The following DENND5A variants were observed in gnomAD, a reference collection of about 807,000 sequenced individuals.
The protein encoded by DENND5A is DENN domain containing 5A, also known as DENN domain-containing protein 5A.
In DENND5A, 64 loss-of-function variants were observed where a neutral mutation model predicts 140.3. That is an observed-to-expected ratio of 0.46 (90% CI 0.37 to 0.56). The LOEUF is 0.56. DENND5A is among the 20% of genes least tolerant of loss of function. The pLI is 0.00. For synonymous variants in DENND5A, 605 were observed against 607.7 expected, an observed-to-expected ratio of 1.00 and a Z score of 0.07; for missense variants, 1,292 against 1,593.8, an observed-to-expected ratio of 0.81 and a Z score of 3.22.
In DENND5A at chr11:9,180,918, A is replaced by C. The variant is rs750848425; in HGVS notation, c.1304T>G (p.Leu435Arg). The change falls in exon 6 of 23, where the codon CTG becomes CGG. Residue 435 changes from leucine (L) to arginine (R), a missense_variant. Coordinates refer to ENST00000328194, the MANE Select transcript of DENND5A (RefSeq NM_015213.4). Reference sequence around the variant, plus strand: ...AAGCTCAGAGGCCCGCAGCCTCTTCAGCTTGGAGGCACTCTCACTGCAATG... The same window carrying C: ...AAGCTCAGAGGCCCGCAGCCTCTTCCGCTTGGAGGCACTCTCACTGCAATG... ...NLHCSESASK[L>R]KRLRASELVS... The C allele has an allele frequency of 6.2e-7, 1 of 1,614,184 alleles. No individual in the cohort carries two copies. The highest frequency in any genetic ancestry group is 8.5e-7 in the Non-Finnish European group (1 of 1,180,036).
intron 11 of DENND5A, 129 bp from the exon 12 acceptor site, chr11:9,160,994 A>G (rs1328989357): frequency 1.1e-6 from 1 of 889,956 alleles, no homozygotes; most frequent in African/African-American, 1.7e-5. Flanking sequence ...AGCCCCAAGG[A>G]CACAGAATAT....
At chr11:9,243,037 G>C (rs1378889721) in intron 1 of DENND5A, among the ~76,000 whole-genome samples, 1 of 138,542 alleles carries the variant, frequency 7.2e-6, no homozygotes, top group African/African-American at 2.7e-5. Context: ...GCAGTGAGCT[G>C]AGATTGCACC....
rs546854991 is a variant in DENND5A, at chr11:9,175,980, G to A, written c.1906+2152C>T. Among the ~76,000 whole-genome samples, 18 of 152,276 alleles carry A rather than the reference G, an allele frequency of 1.2e-4. No individual in the cohort carries two copies. The South Asian group carries it at 3.7e-3, about 32-fold the overall frequency. On this transcript the variant is annotated intron_variant, in intron 8 of 22. Coordinates refer to ENST00000328194, the MANE Select transcript of DENND5A (RefSeq NM_015213.4). ...GGGCCTCATCAAAATAAAAGATTTT[G>A]TTCTCAAAAAGACAATTAGGCACAC... is the stretch of plus-strand genomic sequence containing the variant.
rs142077943 is a variant in DENND5A, at chr11:9,178,673, A to C, written c.1671+185T>G. Among the ~76,000 whole-genome samples the C allele has an allele frequency of 2.6e-3, 395 of 152,312 alleles. 6 individuals are homozygous for C. The highest frequency in any genetic ancestry group is 0.023 in the Admixed American group (346 of 15,288). On this transcript the variant is annotated intron_variant, in intron 7 of 22. Coordinates refer to ENST00000328194, the MANE Select transcript of DENND5A (RefSeq NM_015213.4). ...TTTGGCTGAAGGTAAATCGTCTGAT[A>C]ATAATAATCAGCACATCTATTCATA...
intron 4 of DENND5A, among the ~76,000 whole-genome samples, chr11:9,202,517 C>T (rs1299078277): frequency 6.6e-6 from 1 of 152,110 alleles, no homozygotes; most frequent in Non-Finnish European, 1.5e-5. Context: ...ATACAAGAGT[C>T]CTTTGAATAC....
chr11:9,171,012 A>T, intron 8 of DENND5A: 1 of 629,860 alleles, frequency 1.6e-6, no homozygotes, highest in Non-Finnish European at 2.6e-6. Context: ...AGAAACAGGT[A>T]ACAAATGAGG....
intron 17 of DENND5A, 89 bp from the exon 18 acceptor site, chr11:9,145,202 G>A (rs1847386562): frequency 1.1e-6 from 1 of 927,548 alleles, no homozygotes; most frequent in East Asian, 2.4e-5. Flanking sequence ...CTGGCTGCCT[G>A]CAACCTGACC....
At position 9,193,423 on chromosome 11, in the gene DENND5A, G is replaced by A. The variant is rs1849208140; in HGVS notation, c.1137+71C>T. On this transcript the variant is annotated intron_variant, in intron 5 of 22. Coordinates refer to ENST00000328194, the MANE Select transcript of DENND5A (RefSeq NM_015213.4). ...TAAACTTGGTAACATCATGCATGCT[G>A]GGTTCATCCCAAAGCCCTTCTCTCC... 1.7e-5 allele frequency: 21 copies of A among 1,254,016 alleles called. No individual in the cohort carries two copies. The South Asian group carries it at 3.5e-4, about 21-fold the overall frequency. 77.7% of individuals were successfully genotyped at this position (1,254,016 alleles called of 1,614,324 possible).
At chr11:9,146,050 A>C (rs1400913618) in intron 16 of DENND5A, among the ~76,000 whole-genome samples, 3 of 152,166 alleles carry the variant, frequency 2.0e-5, no homozygotes. Context: ...CCACCCAAAC[A>C]TCAAAGATCC....
intron 8 of DENND5A, among the ~76,000 whole-genome samples, chr11:9,172,902 A>G (rs58309260): frequency 0.042 from 6,442 of 151,618 alleles, 430 homozygotes; most frequent in African/African-American, 0.14. Flanking sequence ...TACAACCTCC[A>G]CCTTCCGGGT....
intron 1 of DENND5A, among the ~76,000 whole-genome samples, chr11:9,254,325 T>C (rs1304257695): frequency 6.6e-6 from 1 of 152,082 alleles, no homozygotes; most frequent in South Asian, 2.1e-4. Flanking sequence ...GTCTGGCTTT[T>C]TTAAGCCAGA....
intron 1 of DENND5A, among the ~76,000 whole-genome samples, chr11:9,254,069 T>C (rs927081588): frequency 2.0e-5 from 3 of 148,586 alleles, no homozygotes; most frequent in Admixed American, 1.4e-4. Context: ...GGCAGGAGAA[T>C]CGCTTGAACC....
chr11:9,179,179 T>A, intron 6 of DENND5A, 106 bp from the exon 7 acceptor site: 6 of 921,076 alleles, frequency 6.5e-6, no homozygotes, highest in Non-Finnish European at 9.9e-6. Flanking sequence ...AGTGCTAATT[T>A]ACTTAGCAGG....
chr11:9,165,363 T>G (rs996333985), intron 11 of DENND5A, among the ~76,000 whole-genome samples: 1 of 152,198 alleles, frequency 6.6e-6, no homozygotes, highest in African/African-American at 2.4e-5. Context: ...TGCTCTCAAT[T>G]AATGGTATAT....
At chr11:9,215,411 A>T (rs1018817061) in intron 1 of DENND5A, among the ~76,000 whole-genome samples, 5 of 152,180 alleles carry the variant, frequency 3.3e-5, no homozygotes, top group Non-Finnish European at 7.3e-5. Context: ...CCTTCCTTTT[A>T]GCCCAGCCGA....
intron 1 of DENND5A, among the ~76,000 whole-genome samples, chr11:9,260,261 G>A (rs1302637502): frequency 6.6e-6 from 1 of 152,042 alleles, no homozygotes; most frequent in Admixed American, 6.6e-5. Flanking sequence ...GGAACTTACA[G>A]ATTCCAAGGT....
chr11:9,253,851 G>A (rs1183338479), intron 1 of DENND5A, among the ~76,000 whole-genome samples: 2 of 150,872 alleles, frequency 1.3e-5, no homozygotes, highest in Non-Finnish European at 3.0e-5. Context: ...GGGCAACAGG[G>A]TGAGACCCTG....
chr11:9,265,186 G>A lies in DENND5A; in HGVS notation c.-117C>T. On this transcript the variant is annotated 5_prime_UTR_variant, in exon 1 of 23. Coordinates refer to ENST00000328194, the MANE Select transcript of DENND5A (RefSeq NM_015213.4). The surrounding 1 kb of genome is among the most constrained non-coding windows in gnomAD (Gnocchi z 4.7). ...CCGCCGCCGCCGCTACCGCGGCTCG[G>A]GCCGCCGCCCCCGGCCCTGGCCCGG... The A allele has an allele frequency of 2.2e-6, 1 of 458,274 alleles. No homozygotes were observed. Among genetic ancestry groups the A allele is most frequent in the Non-Finnish European group, 2.9e-6 (1 of 346,080 alleles). 28.4% of individuals were successfully genotyped at this position (458,274 alleles called of 1,614,324 possible). A position where few individuals can be genotyped will look rare whatever the true frequency, so the allele number is the denominator to read the frequency against.
At position 9,178,337 on chromosome 11, in the gene DENND5A, G is replaced by T; in HGVS notation, c.1701C>A (p.Pro567=). 1 of 1,613,758 alleles carries T rather than the reference G, an allele frequency of 6.2e-7. No homozygotes were observed. Among genetic ancestry groups the T allele is most frequent in the Non-Finnish European group, 8.5e-7 (1 of 1,179,780 alleles). ...KASFLSDQPE[P]YLPFLSRFLE... ...GGAATCTTGAGAGGAAGGGCAGGTA[G>T]GGCTCAGGCTGATCTGACAGAAAAG... Residue 567 remains proline (P), a synonymous_variant, in exon 8 of 23, where the codon CCC becomes CCA. Transcript: ENST00000328194.
Sources: gnomAD v4.1 joint callset for allele counts (sites outside exome capture counted in the v4.1 genomes callset) on GRCh38, gnomAD v4.1.1 for gene constraint, Gnocchi (gnomAD v3.1) non-coding constraint, MANE v1.5 for transcripts, NCBI Gene and HGNC (gene_info 2026-07-23, HGNC 2026-07-21) for gene names.